The following TOP2B variants were observed in gnomAD, a reference collection of about 807,000 sequenced individuals.
TOP2B encodes DNA topoisomerase II beta.
TOP2B carries 51 observed loss-of-function variants against 193.5 expected under a neutral mutation model. That is an observed-to-expected ratio of 0.26 (90% CI 0.21 to 0.33). The LOEUF (loss-of-function observed/expected upper bound fraction) is 0.33. Ranked by LOEUF, TOP2B falls within the 10% of genes least tolerant of loss-of-function variation. TOP2B has a pLI of 1.00. For synonymous variants in TOP2B, 634 were observed against 635.7 expected (o/e 1.00, Z 0.04); for missense variants, 1,378 against 1,909.3 (o/e 0.72, Z 5.19).
chr3:25,654,877 A>C (rs1703700926), intron 1 of TOP2B, among the ~76,000 whole-genome samples: 1 of 152,204 alleles, frequency 6.6e-6, no homozygotes, highest in Non-Finnish European at 1.5e-5. Context: ...AAAAGAATGA[A>C]GTTGGACTCT....
At chr3:25,660,898 A>G (rs1173963100) in intron 1 of TOP2B, among the ~76,000 whole-genome samples, 1 of 152,126 alleles carries the variant, frequency 6.6e-6, no homozygotes, top group Non-Finnish European at 1.5e-5. Flanking sequence ...CTTTACTGTT[A>G]GAGATAAATA....
intron 5 of TOP2B, 151 bp downstream of exon 5, chr3:25,638,014 A>T: frequency 1.3e-6 from 1 of 785,802 alleles, no homozygotes; most frequent in Non-Finnish European, 2.0e-6. Context: ...CTGTTAAACT[A>T]TTACCAAGAC....
chr3:25,658,906 G>T (rs553515863), intron 1 of TOP2B, among the ~76,000 whole-genome samples: 1 of 152,270 alleles, frequency 6.6e-6, no homozygotes, highest in East Asian at 1.9e-4. Flanking sequence ...CAATTTGGCA[G>T]AAGCACCCAG....
chr3:25,644,064 A>G (rs1044146695), intron 2 of TOP2B, among the ~76,000 whole-genome samples: 2 of 152,276 alleles, frequency 1.3e-5, no homozygotes, highest in East Asian at 3.9e-4. Context: ...TTGAAAAAAT[A>G]AAAACATTAC....
chr3:25,622,459 AT>A (rs367660856), intron 21 of TOP2B, among the ~76,000 whole-genome samples: 1 of 152,008 alleles, frequency 6.6e-6, no homozygotes, highest in Non-Finnish European at 1.5e-5. Context: ...GGGTTTATGG[AT>A]TTTTTTACTC....
chr3:25,653,498 GA>G (rs1703654693), intron 1 of TOP2B, among the ~76,000 whole-genome samples: 1 of 151,722 alleles, frequency 6.6e-6, no homozygotes, highest in Non-Finnish European at 1.5e-5. Context: ...AGGCTCAAGT[GA>G]TCCTCCCACC....
chr3:25,618,603 GT>G (rs3835194), intron 24 of TOP2B, 50 bp downstream of exon 24: 75 of 1,531,926 alleles, frequency 4.9e-5, no homozygotes, highest in African/African-American at 7.1e-5. Context: ...TATTAATAAA[GT>G]TTTTTTTCCA....
chr3:25,598,160 A>C lies in TOP2B; in HGVS notation c.*147T>G. ...AGCATAAAACTGTATGTGTAAGAAC[A>C]AAATGTTAAAAGGCCTACCACAATA... On this transcript the variant is annotated 3_prime_UTR_variant, in exon 36 of 36. Coordinates refer to ENST00000264331, the MANE Select transcript of TOP2B (RefSeq NM_001330700.2). 1 of 795,476 alleles carries C rather than the reference A, an allele frequency of 1.3e-6. No homozygotes were observed. The highest frequency in any genetic ancestry group is 1.9e-6 in the Non-Finnish European group (1 of 519,846). The allele number at this position is 795,476 out of a possible 1,614,324, so 49.3% of individuals were successfully genotyped here. A position where few individuals can be genotyped will look rare whatever the true frequency, so the allele number is the denominator to read the frequency against.
chr3:25,618,287 A>T (rs1265838819), intron 25 of TOP2B, 131 bp downstream of exon 25: 1 of 647,066 alleles, frequency 1.5e-6, no homozygotes, highest in African/African-American at 1.8e-5. Context: ...TAAACAGAAG[A>T]CTTTAGTCTC....
In TOP2B at chr3:25,609,571, G is replaced by C. The variant is rs746245807; in HGVS notation, c.3928C>G (p.Pro1310Ala). 2.5e-6 allele frequency: 4 copies of C among 1,606,184 alleles called. No homozygotes were observed. Among genetic ancestry groups the C allele is most frequent in the East Asian group, 4.5e-5 (2 of 44,772 alleles). ...GPKPKREKKE[P>A]GTRVRKTPTS... ...CAAAACTATAATCATTTCTCACCAG[G>C]CTCCTTCTTCTCCCTCTTAGGTTTG... The change falls in exon 29 of 36, where the codon CCT becomes GCT. Residue 1310 changes from proline to alanine, a missense_variant. By Grantham distance (27) the Pro-to-Ala change is conservative (BLOSUM62 -1). Around this residue, in one of 9 missense-constraint regions of TOP2B, gnomAD observed 556 missense variants for 584.2 expected, o/e 0.95. Coordinates refer to ENST00000264331, the MANE Select transcript of TOP2B (RefSeq NM_001330700.2).
At chr3:25,623,234 AT>A (rs1310110793) in intron 21 of TOP2B, among the ~76,000 whole-genome samples, 2 of 152,182 alleles carry the variant, frequency 1.3e-5, no homozygotes. Context: ...TCAGAAAAGG[AT>A]TGTTTTCTAA....
chr3:25,637,717 A>G (rs1012742282), intron 5 of TOP2B, among the ~76,000 whole-genome samples: 4 of 151,982 alleles, frequency 2.6e-5, no homozygotes, highest in Non-Finnish European at 5.9e-5. Flanking sequence ...CAAAAAACCT[A>G]TCAACCTATT....
chr3:25,647,310 G>A (rs971439078), intron 1 of TOP2B, among the ~76,000 whole-genome samples: 1 of 152,046 alleles, frequency 6.6e-6, no homozygotes, highest in Non-Finnish European at 1.5e-5. Flanking sequence ...CCTCAAAATA[G>A]TTAGAACAAA....
At chr3:25,610,361 T>A (rs1357962975) in intron 28 of TOP2B, among the ~76,000 whole-genome samples, 1 of 151,934 alleles carries the variant, frequency 6.6e-6, no homozygotes, top group Non-Finnish European at 1.5e-5. Context: ...ATATAGAGGC[T>A]GGTACAGCCA....
chr3:25,607,309 T>C lies in TOP2B; in HGVS notation c.4160A>G (p.Asp1387Gly). 1 of 1,554,018 alleles carries C rather than the reference T, an allele frequency of 6.4e-7. No homozygotes were observed. Among genetic ancestry groups the C allele is most frequent in the Non-Finnish European group, 8.7e-7 (1 of 1,147,806 alleles). The part of the protein sequence containing the change: ...EEDDDADDDD[D>G]DNNDLEELKV... ...CAATTCCTCTAAATCATTATTGTCA[T>C]CATCATCATCATCAGCATCATCATC... The change falls in exon 31 of 36, where the codon GAT (aspartate) becomes GGT (glycine). Residue 1387 changes from aspartate to glycine, a missense_variant. Coordinates refer to ENST00000264331, the MANE Select transcript of TOP2B (RefSeq NM_001330700.2).
At chr3:25,641,061 C>T (rs554703858) in intron 4 of TOP2B, among the ~76,000 whole-genome samples, 45 of 152,210 alleles carry the variant, frequency 3.0e-4, no homozygotes, top group African/African-American at 1.1e-3. Flanking sequence ...GGAATACAGG[C>T]GTGAGCTGCC....
At position 25,664,379 on chromosome 3, in the gene TOP2B, G is replaced by A. The variant is rs1704024634; in HGVS notation, c.-82C>T. The A allele has an allele frequency of 3.7e-6, 5 of 1,355,882 alleles. No individual in the cohort carries two copies. Among genetic ancestry groups the A allele is most frequent in the Non-Finnish European group, 4.7e-6 (5 of 1,065,108 alleles). 84.0% of individuals were successfully genotyped at this position (1,355,882 alleles called of 1,614,324 possible). ...GCGGGCCGCTGGGCCCCGCCGCTCC[G>A]CACCCACCGCTCCACTCGCCGCACT... On this transcript the variant is annotated 5_prime_UTR_variant, in exon 1 of 36. Transcript: ENST00000264331.
Position 25,635,962 on chromosome 3 carries a change from C to T in TOP2B, c.826G>A (p.Val276Ile). ...GGCAATTTCTTTCCATTAAACATGACCTTGACCCCTCTACACGAACCAGCC... is the reference window on the plus strand; with the variant it reads ...GGCAATTTCTTTCCATTAAACATGATCTTGACCCCTCTACACGAACCAGCC... Reference protein sequence around the residue: ...DLAGSCRGVKVMFNGKKLPVN... With the variant: ...DLAGSCRGVKIMFNGKKLPVN... The change falls in exon 7 of 36, where the codon GTC becomes ATC. Residue 276 changes from valine to isoleucine, a missense_variant. Val to Ile is a conservative substitution (Grantham distance 29). Around this residue, in one of 9 missense-constraint regions of TOP2B, gnomAD observed 222 missense variants for 306.6 expected, o/e 0.72. Coordinates refer to ENST00000264331, the MANE Select transcript of TOP2B (RefSeq NM_001330700.2). 6.2e-7 allele frequency: 1 copy of T among 1,613,136 alleles called. No homozygotes were observed. Among genetic ancestry groups the T allele is most frequent in the African/African-American group, 1.3e-5 (1 of 74,966 alleles).
At chr3:25,641,670 C>T (rs1324041973) in intron 4 of TOP2B, among the ~76,000 whole-genome samples, 1 of 151,918 alleles carries the variant, frequency 6.6e-6, no homozygotes, top group Non-Finnish European at 1.5e-5. Flanking sequence ...TAGATTATTA[C>T]TAGTAAGACT....
Sources: allele counts gnomAD v4.1 joint callset (sites outside exome capture counted in the v4.1 genomes callset), GRCh38; gene constraint gnomAD v4.1.1; regional missense constraint gnomAD v4.1.1; transcripts MANE v1.5; gene names NCBI Gene and HGNC (gene_info 2026-07-23, HGNC 2026-07-21).